ZBTB20: variants seen among roughly 807,000 people sequenced by gnomAD.
The protein encoded by ZBTB20 is zinc finger and BTB domain-containing protein 20.
ZBTB20 carries 9 observed loss-of-function variants against 56.9 expected under a neutral mutation model. That is an observed-to-expected ratio of 0.16 (90% CI 0.10 to 0.28). ZBTB20 has a LOEUF of 0.28. Ranked by LOEUF, ZBTB20 falls within the 10% of genes least tolerant of loss-of-function variation. ZBTB20 has a pLI of 1.00. For missense variants in ZBTB20, 655 were observed against 1,003.0 expected, an observed-to-expected ratio of 0.65 and a Z score of 4.69; for synonymous variants, 417 against 420.7, an observed-to-expected ratio of 0.99 and a Z score of 0.11.
chr3:114,892,691 A>G (rs1042755824), intron 4 of ZBTB20, among the ~76,000 whole-genome samples: 1 of 152,150 alleles, frequency 6.6e-6, no homozygotes, highest in Admixed American at 6.5e-5. Context: ...CTGAGAGACC[A>G]CATGCCAGCT....
At chr3:114,634,285 G>A (rs2059133329) in intron 6 of ZBTB20, among the ~76,000 whole-genome samples, 1 of 152,142 alleles carries the variant, frequency 6.6e-6, no homozygotes, top group Admixed American at 6.6e-5. Context: ...ACATTCTTCT[G>A]TCAAAATAAG....
At chr3:114,454,111 A>C (rs1177941847) in intron 7 of ZBTB20, among the ~76,000 whole-genome samples, 1 of 148,704 alleles carries the variant, frequency 6.7e-6, no homozygotes, top group Non-Finnish European at 1.5e-5. Flanking sequence ...AGAGGGAGAG[A>C]GGGGAAGAGG....
chr3:114,977,661 T>A (rs2078158583), intron 2 of ZBTB20, among the ~76,000 whole-genome samples: 1 of 152,150 alleles, frequency 6.6e-6, no homozygotes, highest in South Asian at 2.1e-4. Context: ...TAAAACTCAA[T>A]ATAATATATA....
intron 11 of ZBTB20, among the ~76,000 whole-genome samples, chr3:114,344,175 A>T (rs1198310859): frequency 1.3e-5 from 2 of 152,366 alleles, no homozygotes; most frequent in South Asian, 2.1e-4. Flanking sequence ...GGGACTGCCT[A>T]TTGGGAACAT....
intron 8 of ZBTB20, chr3:114,387,686 A>G (rs1395884446): frequency 6.6e-6 from 1 of 152,224 alleles, no homozygotes; most frequent in Non-Finnish European, 1.5e-5. Context: ...TTACTCTGTG[A>G]TGAAGAAAAA....
intron 5 of ZBTB20, among the ~76,000 whole-genome samples, chr3:114,789,069 C>G (rs931718735): frequency 6.6e-6 from 1 of 152,140 alleles, no homozygotes; most frequent in Non-Finnish European, 1.5e-5. Context: ...TGGGTAGGGA[C>G]AGAGCCAAAC....
chr3:114,776,275 A>G (rs1474644878), intron 5 of ZBTB20, among the ~76,000 whole-genome samples: 1 of 151,340 alleles, frequency 6.6e-6, no homozygotes. Context: ...AAAAAAAAAG[A>G]CTTTGCAGGT....
At chr3:115,145,678 G>C (rs1421986536) in intron 1 of ZBTB20, among the ~76,000 whole-genome samples, 4 of 152,190 alleles carry the variant, frequency 2.6e-5, no homozygotes, top group Admixed American at 1.3e-4. Context: ...AGGGCTGACT[G>C]TATGTGACCG....
Position 114,949,053 on chromosome 3 carries a change from G to A in ZBTB20, c.-456+25313C>T, listed in dbSNP as rs143323356. ...ATTTCTTCTAAATGTTCACTACTTA[G>A]TCATGCATCATTGATGCAAGGGTAA... On this transcript the variant is annotated intron_variant, in intron 3 of 11. Coordinates refer to ENST00000675478, the MANE Select transcript of ZBTB20 (RefSeq NM_001348800.3). Among the ~76,000 whole-genome samples, 257 of 146,148 alleles carry A rather than the reference G, an allele frequency of 1.8e-3. 12 individuals are homozygous for A. In the East Asian group the frequency reaches 0.04, roughly 23 times the overall value.
chr3:114,372,307 GC>G (rs2083111739), intron 10 of ZBTB20, among the ~76,000 whole-genome samples: 1 of 152,210 alleles, frequency 6.6e-6, no homozygotes, highest in Non-Finnish European at 1.5e-5. Context: ...TCAGCATTGG[GC>G]CCTAACAATT....
intron 7 of ZBTB20, among the ~76,000 whole-genome samples, chr3:114,462,578 A>G (rs1211386357): frequency 6.6e-6 from 1 of 151,998 alleles, no homozygotes; most frequent in Admixed American, 6.6e-5. Context: ...AGCTCCAGGG[A>G]GCTCGCTCAA....
intron 2 of ZBTB20, among the ~76,000 whole-genome samples, chr3:114,980,657 ACT>A (rs879826671): frequency 9.9e-5 from 15 of 151,950 alleles, no homozygotes; most frequent in Non-Finnish European, 1.9e-4. Flanking sequence ...TTTATAGAAT[ACT>A]CTTATTCCTG....
intron 1 of ZBTB20, among the ~76,000 whole-genome samples, chr3:115,083,507 C>T (rs2082870669): frequency 6.6e-6 from 1 of 151,862 alleles, no homozygotes; most frequent in African/African-American, 2.4e-5. Flanking sequence ...TGTTTGTAAA[C>T]AAAGGTGAAT....
intron 7 of ZBTB20, among the ~76,000 whole-genome samples, chr3:114,422,578 A>G (rs997927267): frequency 2.6e-5 from 4 of 152,202 alleles, no homozygotes; most frequent in African/African-American, 9.6e-5. Flanking sequence ...AAAATAGGAT[A>G]TAATCAGACA....
intron 2 of ZBTB20, among the ~76,000 whole-genome samples, chr3:115,002,093 A>G (rs1400069401): frequency 1.3e-5 from 2 of 151,606 alleles, no homozygotes; most frequent in Non-Finnish European, 3.0e-5. Context: ...ACATAAGTAC[A>G]GTCAACTGTT....
At chr3:114,952,480 T>C (rs1560431331) in intron 3 of ZBTB20, among the ~76,000 whole-genome samples, 1 of 151,946 alleles carries the variant, frequency 6.6e-6, no homozygotes, top group Non-Finnish European at 1.5e-5. Flanking sequence ...CAGCAGAAAA[T>C]TGACTAAGAT....
At chr3:114,541,094 C>G (rs2049056577) in intron 6 of ZBTB20, among the ~76,000 whole-genome samples, 1 of 151,922 alleles carries the variant, frequency 6.6e-6, no homozygotes, top group African/African-American at 2.4e-5. Context: ...CTCTAGAATC[C>G]CAGATTTACT....
chr3:114,623,112 A>G (rs969820057), intron 6 of ZBTB20, among the ~76,000 whole-genome samples: 1 of 152,198 alleles, frequency 6.6e-6, no homozygotes, highest in African/African-American at 2.4e-5. Context: ...AGAAGATGAG[A>G]AAACCCAGTA....
At chr3:114,455,399 A>G (rs937147955) in intron 7 of ZBTB20, among the ~76,000 whole-genome samples, 1 of 152,184 alleles carries the variant, frequency 6.6e-6, no homozygotes, top group Non-Finnish European at 1.5e-5. Context: ...CTAAACAAAA[A>G]GTGCAAATAC....
Sources: allele counts gnomAD v4.1 joint callset (sites outside exome capture counted in the v4.1 genomes callset), GRCh38; gene constraint gnomAD v4.1.1; transcripts MANE v1.5; gene names NCBI Gene and HGNC (gene_info 2026-07-23, HGNC 2026-07-21).